The following ACTR3C variants were observed in gnomAD, a reference collection of about 807,000 sequenced individuals.
ACTR3C encodes actin-related protein 3C.
In ACTR3C, 18 loss-of-function variants were observed where a neutral mutation model predicts 26.3. The ratio of observed to expected loss-of-function variants is 0.68; its 90% CI spans 0.47 to 1.01. The LOEUF (loss-of-function observed/expected upper bound fraction) is 1.01, where lower values mean the gene tolerates loss of function less well. Among genes scored for constraint, ACTR3C ranks in the 50% least tolerant of loss-of-function variants. The pLI, the probability that ACTR3C is intolerant of heterozygous loss-of-function variation, is 0.00. For synonymous variants in ACTR3C, 55 were observed against 94.5 expected, an observed-to-expected ratio of 0.58 and a Z score of 2.42; for missense variants, 184 against 250.7, an observed-to-expected ratio of 0.73 and a Z score of 1.80.
At chr7:150,178,441 C>A in the ACTR3C span, among the ~76,000 whole-genome samples, 4 of 150,230 alleles carry the variant, frequency 2.7e-5, no homozygotes, top group African/African-American at 7.6e-5. Context: ...TACCACCATG[C>A]CCGGCTAATG....
chr7:150,137,798 C>G, the ACTR3C span, among the ~76,000 whole-genome samples: 33 of 152,230 alleles, frequency 2.2e-4, no homozygotes, highest in Middle Eastern at 0.02. Context: ...GAAGGAAGAG[C>G]ATTCCAAGAA....
the ACTR3C span, among the ~76,000 whole-genome samples, chr7:150,049,500 C>G: frequency 6.6e-6 from 1 of 152,240 alleles, no homozygotes; most frequent in Admixed American, 6.5e-5. Context: ...GCTCCCTGCT[C>G]CTTCCGGGTT....
chr7:149,907,591 C>T, the ACTR3C span, among the ~76,000 whole-genome samples: 147,877 of 151,152 alleles, frequency 0.98, 72,321 homozygotes, highest in East Asian at 1. Context: ...CTAGCTTCTG[C>T]GACTGCTAAG....
In ACTR3C at chr7:150,263,227, A is replaced by G. The variant is rs1339387427; in HGVS notation, c.565-14173T>C. ...CCTATACAATTTAAAGCAGAAACAT[A>G]TGTATAGTCCAGTGGCGATCTGGGG... On this transcript the variant is annotated intron_variant, in intron 6 of 7. Coordinates refer to ENST00000683684, the MANE Select transcript of ACTR3C (RefSeq NM_001164458.2). Among the ~76,000 whole-genome samples, 13 of 151,890 alleles carry G rather than the reference A, an allele frequency of 8.6e-5. No individual in the cohort carries two copies. The East Asian group carries it at 2.2e-3, about 25-fold the overall frequency.
At chr7:150,204,289 C>T in the ACTR3C span, among the ~76,000 whole-genome samples, 2 of 144,144 alleles carry the variant, frequency 1.4e-5, no homozygotes, top group South Asian at 2.2e-4. Context: ...TGGAAGCAAG[C>T]TGTGTCGGTT....
chr7:149,897,473 G>C, the ACTR3C span, among the ~76,000 whole-genome samples: 1 of 152,178 alleles, frequency 6.6e-6, no homozygotes, highest in Admixed American at 6.5e-5. Flanking sequence ...ATTAAAATTT[G>C]TTCCAAGACA....
the ACTR3C span, among the ~76,000 whole-genome samples, chr7:150,036,870 G>A: frequency 2.4e-5 from 3 of 126,184 alleles, no homozygotes; most frequent in Non-Finnish European, 5.5e-5. Flanking sequence ...GCCAGGGGGG[G>A]ATGAGGGTCT....
chr7:149,926,294 C>T, the ACTR3C span, among the ~76,000 whole-genome samples: 68,255 of 151,982 alleles, frequency 0.45, 15,385 homozygotes, highest in South Asian at 0.53. Context: ...AGTTAATGGG[C>T]CTGAGACTGC....
intron 6 of ACTR3C, among the ~76,000 whole-genome samples, chr7:150,278,033 T>TA (rs1835027578): frequency 1.3e-5 from 2 of 152,148 alleles, no homozygotes; most frequent in South Asian, 2.1e-4. Context: ...GCCTTCCCCA[T>TA]AAGCCCTGTG....
chr7:150,254,548 G>C (rs1833074827), intron 6 of ACTR3C, among the ~76,000 whole-genome samples: 1 of 152,150 alleles, frequency 6.6e-6, no homozygotes, highest in South Asian at 2.1e-4. Flanking sequence ...AAACTTACCA[G>C]ATCATGGCAT....
chr7:149,902,265 T>TA, the ACTR3C span, among the ~76,000 whole-genome samples: 2 of 150,526 alleles, frequency 1.3e-5, no homozygotes, highest in Non-Finnish European at 3.0e-5. Flanking sequence ...TTCCAGAGAA[T>TA]AAAAAAAGAA....
At chr7:150,151,351 A>G in the ACTR3C span, among the ~76,000 whole-genome samples, 180 of 138,400 alleles carry the variant, frequency 1.3e-3, 41 homozygotes, top group Admixed American at 2.5e-3. Context: ...TCCTTATTCT[A>G]CTAATTTGTG....
At chr7:150,105,350 G>A in the ACTR3C span, among the ~76,000 whole-genome samples, 2 of 151,858 alleles carry the variant, frequency 1.3e-5, no homozygotes, top group Admixed American at 1.3e-4. Context: ...CCAAAGTGCT[G>A]GGATTACAGG....
chr7:150,255,073 C>T (rs1276219572), intron 6 of ACTR3C, among the ~76,000 whole-genome samples: 1 of 151,752 alleles, frequency 6.6e-6, no homozygotes, highest in Non-Finnish European at 1.5e-5. Context: ...TCATTATTTT[C>T]CAGGAAAATT....
downstream of ACTR3C, chr7:150,246,718 G>T (rs561494014): frequency 6.6e-6 from 1 of 152,278 alleles, no homozygotes; most frequent in African/African-American, 2.4e-5. Context: ...AATTGTGAAT[G>T]GTTGAATTAA....
chr7:150,228,790 T>A, the ACTR3C span, among the ~76,000 whole-genome samples: 1 of 150,252 alleles, frequency 6.7e-6, no homozygotes, highest in Non-Finnish European at 1.5e-5. Context: ...TAAAAAAATT[T>A]AAAAATACAT....
intron 3 of ACTR3C, among the ~76,000 whole-genome samples, chr7:150,291,750 C>A (rs536452000): frequency 6.6e-6 from 1 of 151,738 alleles, no homozygotes; most frequent in Non-Finnish European, 1.5e-5. Flanking sequence ...ATCTCAGCAG[C>A]GCAGTTCTCT....
At chr7:150,145,162 T>C in the ACTR3C span, among the ~76,000 whole-genome samples, 67 of 150,778 alleles carry the variant, frequency 4.4e-4, no homozygotes, top group African/African-American at 1.5e-3. Flanking sequence ...TGATATAGAA[T>C]ATATAAGGGT....
intron 3 of ACTR3C, among the ~76,000 whole-genome samples, chr7:150,292,239 G>A (rs563508684): frequency 1.1e-4 from 16 of 152,006 alleles, no homozygotes; most frequent in Non-Finnish European, 2.4e-4. Context: ...ACTAGCAATG[G>A]TGGTTCCTGA....
Sources: gnomAD v4.1 joint callset for allele counts (sites outside exome capture counted in the v4.1 genomes callset) on GRCh38, gnomAD v4.1.1 for gene constraint, MANE v1.5 for transcripts, NCBI Gene and HGNC (gene_info 2026-07-23, HGNC 2026-07-21) for gene names.